Variants in AFG2A observed in about 807,000 individuals in gnomAD.
AFG2A encodes AAA ATPase AFG2A.
the AFG2A span, among the ~76,000 whole-genome samples, chr4:122,960,441 C>G: frequency 6.6e-6 from 1 of 152,140 alleles, no homozygotes; most frequent in Admixed American, 6.6e-5. Flanking sequence ...TCTAAGGCTG[C>G]CTGTGCCATT....
At chr4:123,066,279 G>A in the AFG2A span, among the ~76,000 whole-genome samples, 2 of 152,112 alleles carry the variant, frequency 1.3e-5, no homozygotes, top group African/African-American at 4.8e-5. Context: ...CATTCATGAT[G>A]TTATGTACTG....
At chr4:123,256,872 A>G in the AFG2A span, 2 of 980,834 alleles carry the variant, frequency 2.0e-6, no homozygotes, top group Non-Finnish European at 2.4e-6. Flanking sequence ...ATTCCATGAA[A>G]TAATTCTGCA....
chr4:122,997,048 AG>A, the AFG2A span, among the ~76,000 whole-genome samples: 3 of 152,172 alleles, frequency 2.0e-5, no homozygotes, highest in Non-Finnish European at 2.9e-5. Context: ...ACATCCTCAC[AG>A]ATACACCCAG....
At chr4:123,178,651 C>G in the AFG2A span, among the ~76,000 whole-genome samples, 1 of 152,028 alleles carries the variant, frequency 6.6e-6, no homozygotes, top group Non-Finnish European at 1.5e-5. Context: ...GTAGAAATTC[C>G]ATGTTTGTTC....
chr4:123,082,454 A>G, the AFG2A span, among the ~76,000 whole-genome samples: 1 of 148,114 alleles, frequency 6.8e-6, no homozygotes, highest in Non-Finnish European at 1.5e-5. Flanking sequence ...ATGTGGGTCT[A>G]TTTCTAGGCT....
the AFG2A span, among the ~76,000 whole-genome samples, chr4:123,073,752 A>G: frequency 3.3e-5 from 5 of 152,234 alleles, no homozygotes; most frequent in Non-Finnish European, 7.3e-5. Flanking sequence ...AAGGCAAAAC[A>G]GAATCTAAAA....
chr4:123,173,374 G>A, the AFG2A span, among the ~76,000 whole-genome samples: 1 of 68,222 alleles, frequency 1.5e-5, no homozygotes, highest in African/African-American at 9.4e-5. Flanking sequence ...TTTTTTTTTT[G>A]AGTCGGATTC....
the AFG2A span, among the ~76,000 whole-genome samples, chr4:123,177,208 T>G: frequency 6.6e-6 from 1 of 151,232 alleles, no homozygotes; most frequent in Non-Finnish European, 1.5e-5. Flanking sequence ...TTTTTTTTTT[T>G]TTTGAGACGG....
At chr4:123,056,119 A>G in the AFG2A span, among the ~76,000 whole-genome samples, 5 of 152,188 alleles carry the variant, frequency 3.3e-5, no homozygotes, top group African/African-American at 1.2e-4. Context: ...AAAAATGTGG[A>G]TAGAGTTATA....
At chr4:122,936,127 A>G in the AFG2A span, 1 of 1,604,784 alleles carries the variant, frequency 6.2e-7, no homozygotes, top group Non-Finnish European at 8.5e-7. Context: ...AAGCAAAGTT[A>G]CGTCAGATAT....
chr4:123,076,827 A>C, the AFG2A span, among the ~76,000 whole-genome samples: 2 of 151,978 alleles, frequency 1.3e-5, no homozygotes. Context: ...TCTACTATCT[A>C]CTGAGCTCAG....
At chr4:123,090,371 CA>C in the AFG2A span, among the ~76,000 whole-genome samples, 1 of 152,018 alleles carries the variant, frequency 6.6e-6, no homozygotes, top group African/African-American at 2.4e-5. Flanking sequence ...TGAAAATGAA[CA>C]TGGTTGATGA....
chr4:123,169,930 G>A, the AFG2A span, among the ~76,000 whole-genome samples: 2 of 152,282 alleles, frequency 1.3e-5, no homozygotes, highest in South Asian at 4.1e-4. Context: ...AACAAAGAAA[G>A]GAGAGATTAC....
At chr4:123,195,866 C>T in the AFG2A span, among the ~76,000 whole-genome samples, 1 of 152,188 alleles carries the variant, frequency 6.6e-6, no homozygotes, top group Admixed American at 6.5e-5. Context: ...TCACCATCCC[C>T]AGCTTCCCTA....
the AFG2A span, among the ~76,000 whole-genome samples, chr4:123,300,215 A>G: frequency 2.0e-5 from 3 of 152,212 alleles, no homozygotes; most frequent in African/African-American, 7.2e-5. Context: ...TGATCAGAAG[A>G]GGAAAAAAAT....
At chr4:123,066,894 G>A in the AFG2A span, among the ~76,000 whole-genome samples, 113 of 152,228 alleles carry the variant, frequency 7.4e-4, no homozygotes, top group Non-Finnish European at 2.5e-4. Context: ...GTTTTATGTG[G>A]TATGAGAGTT....
chr4:122,979,380 C>T, the AFG2A span: 1 of 1,613,644 alleles, frequency 6.2e-7, no homozygotes, highest in Non-Finnish European at 8.5e-7. Context: ...CAATTGATGT[C>T]CCAAATGTAA....
the AFG2A span, among the ~76,000 whole-genome samples, chr4:123,263,364 G>T: frequency 6.6e-6 from 1 of 152,130 alleles, no homozygotes; most frequent in Admixed American, 6.5e-5. Flanking sequence ...GTAGATACAA[G>T]CTTTACATCT....
chr4:123,048,679 A>G, the AFG2A span, among the ~76,000 whole-genome samples: 33 of 152,140 alleles, frequency 2.2e-4, no homozygotes, highest in East Asian at 5.8e-3. Context: ...ATTAATTGCT[A>G]TTGGTGTATA....
Sources: allele counts gnomAD v4.1 joint callset (sites outside exome capture counted in the v4.1 genomes callset), GRCh38; gene constraint gnomAD v4.1.1; transcripts MANE v1.5; gene names NCBI Gene and HGNC (gene_info 2026-07-23, HGNC 2026-07-21).